Variants in AGFG2 observed in about 807,000 individuals in gnomAD.
AGFG2 encodes arf-GAP domain and FG repeat-containing protein 2.
In AGFG2, 31 loss-of-function variants were observed where a neutral mutation model predicts 48.0. That is an observed-to-expected ratio of 0.65 (90% CI 0.49 to 0.87). The LOEUF is 0.87. AGFG2 is among the 40% of genes least tolerant of loss of function. The pLI is 0.00. For missense variants in AGFG2, 599 were observed against 632.6 expected (o/e 0.95, Z 0.57); for synonymous variants, 229 against 260.8 (o/e 0.88, Z 1.18).
intron 3 of AGFG2, among the ~76,000 whole-genome samples, chr7:100,552,541 C>A (rs1279778772): frequency 2.6e-5 from 4 of 152,190 alleles, no homozygotes; most frequent in Non-Finnish European, 4.4e-5. Flanking sequence ...CTTTCCTCTC[C>A]CCTGGTATCA....
chr7:100,566,917 CCTTT>C lies in AGFG2; in HGVS notation c.*1929_*1932del, dbSNP rs1801020794. The C allele has an allele frequency of 6.6e-6, 1 of 152,238 alleles. No individual in the cohort carries two copies. Among genetic ancestry groups the C allele is most frequent in the African/African-American group, 2.4e-5 (1 of 41,436 alleles). 9.4% of individuals were successfully genotyped at this position (152,238 alleles called of 1,614,324 possible). A position where few individuals can be genotyped will look rare whatever the true frequency, so the allele number is the denominator to read the frequency against. On this transcript the variant is annotated 3_prime_UTR_variant, in exon 12 of 12. Transcript: ENST00000300176. ...TGTTATGGTGTATTAGGGGGAGGAG[CCTTT>C]CTGTTATTTCCCCCCAGCTTCCATC...
Position 100,565,092 on chromosome 7 carries a change from G to A in AGFG2, c.*101G>A, listed in dbSNP as rs2131128501. ...TGTGGGCATTTCTATGGGCCTTGGGGATGGTGGAGGTGCTAATGCTTTGCT... is the reference window on the plus strand; with the variant it reads ...TGTGGGCATTTCTATGGGCCTTGGGAATGGTGGAGGTGCTAATGCTTTGCT... On this transcript the variant is annotated 3_prime_UTR_variant, in exon 12 of 12. Coordinates refer to ENST00000300176, the MANE Select transcript of AGFG2 (RefSeq NM_006076.5). 1 of 1,333,248 alleles carries A rather than the reference G, an allele frequency of 7.5e-7. No individual in the cohort carries two copies. The highest frequency in any genetic ancestry group is 2.3e-5 in the East Asian group (1 of 43,482). The allele number at this position is 1,333,248 out of a possible 1,614,324, so 82.6% of individuals were successfully genotyped here.
Position 100,566,870 on chromosome 7 carries a change from C to G in AGFG2, c.*1879C>G, listed in dbSNP as rs558017407. On this transcript the variant is annotated 3_prime_UTR_variant, in exon 12 of 12. Coordinates refer to ENST00000300176, the MANE Select transcript of AGFG2 (RefSeq NM_006076.5). ...CAGTTCTTTCCTTTCTGCTTAGAGCCGGAGGGAGGGAAGCTGGAATCTGTT... is the reference window on the plus strand; with the variant it reads ...CAGTTCTTTCCTTTCTGCTTAGAGCGGGAGGGAGGGAAGCTGGAATCTGTT... The G allele has an allele frequency of 1.1e-4, 16 of 152,302 alleles. No homozygotes were observed. The highest frequency in any genetic ancestry group is 3.6e-4 in the African/African-American group (15 of 41,560). The allele number at this position is 152,302 out of a possible 1,614,324, so 9.4% of individuals were successfully genotyped here.
At position 100,564,072 on chromosome 7, in the gene AGFG2, G is replaced by C. The variant is rs1800942943; in HGVS notation, c.1300+110G>C. 1.9e-6 allele frequency: 3 copies of C among 1,557,708 alleles called. No individual in the cohort carries two copies. The South Asian group carries it at 3.5e-5, about 18-fold the overall frequency. ...GCCCATGCAGTGCCCTTTCTGACCA[G>C]CAGGGGGGACCAGGGAAGCACCAGA... On this transcript the variant is annotated intron_variant, in intron 10 of 11. Coordinates refer to ENST00000300176, the MANE Select transcript of AGFG2 (RefSeq NM_006076.5).
chr7:100,543,345 G>GT (rs1800458757), intron 1 of AGFG2, among the ~76,000 whole-genome samples: 1 of 152,200 alleles, frequency 6.6e-6, no homozygotes, highest in South Asian at 2.1e-4. Flanking sequence ...GATTACAGGC[G>GT]TGAGCCACTG....
At position 100,553,463 on chromosome 7, in the gene AGFG2, C is replaced by G. The variant is rs1473303050; in HGVS notation, c.548C>G (p.Ala183Gly). ...CTTCGGACACTTCTGGGTGATCCTGCACCGTCTCTCTCAGTTGCTGCCTCC... is the reference window on the plus strand; with the variant it reads ...CTTCGGACACTTCTGGGTGATCCTGGACCGTCTCTCTCAGTTGCTGCCTCC... ...KPLRTLLGDP[A>G]PSLSVAASTS... The change falls in exon 4 of 12, where the codon GCA (alanine) becomes GGA (glycine). Residue 183 changes from alanine to glycine, a missense_variant. Transcript: ENST00000300176. 6.2e-7 allele frequency: 1 copy of G among 1,609,366 alleles called. No individual in the cohort carries two copies. Among genetic ancestry groups the G allele is most frequent in the South Asian group, 1.1e-5 (1 of 90,888 alleles).
chr7:100,565,197 C>T lies in AGFG2; in HGVS notation c.*206C>T, dbSNP rs1800980465. On this transcript the variant is annotated 3_prime_UTR_variant, in exon 12 of 12. Coordinates refer to ENST00000300176, the MANE Select transcript of AGFG2 (RefSeq NM_006076.5). ...CTCCCTCGTCCCACCCCCACCCAGG[C>T]AGGAAGCCCAGGAGGAGTGCGGGCA... The T allele has an allele frequency of 4.8e-6, 3 of 625,350 alleles. No individual in the cohort carries two copies. Among genetic ancestry groups the T allele is most frequent in the Admixed American group, 5.7e-5 (2 of 34,898 alleles). 38.7% of individuals were successfully genotyped at this position (625,350 alleles called of 1,614,324 possible).
chr7:100,555,559 T>C, intron 5 of AGFG2, 51 bp from the exon 6 acceptor site: 2 of 1,584,562 alleles, frequency 1.3e-6, no homozygotes, highest in Non-Finnish European at 1.7e-6. Context: ...AGGCGTGAGC[T>C]ACCACACCCG....
At position 100,539,401 on chromosome 7, in the gene AGFG2, A is replaced by G. The variant is rs1174174284; in HGVS notation, c.55A>G (p.Lys19Glu). ...PGPGGGVSGGKAEAEAASEVW... is the reference protein window; with the variant it reads ...PGPGGGVSGGEAEAEAASEVW... ...CCCGGGCGGCGGGGTCAGCGGGGGCAAGGCGGAGGCGGAGGCGGCCTCGGA... is the reference window on the plus strand; with the variant it reads ...CCCGGGCGGCGGGGTCAGCGGGGGCGAGGCGGAGGCGGAGGCGGCCTCGGA... Residue 19 changes from lysine (K) to glutamate (E), a missense_variant, in exon 1 of 12, where the codon AAG (lysine) becomes GAG (glutamate). Physicochemically the swap from Lys to Glu is moderately conservative, Grantham distance 56. Transcript: ENST00000300176. The G allele has an allele frequency of 7.6e-7, 1 of 1,308,560 alleles. No homozygotes were observed. The highest frequency in any genetic ancestry group is 3.1e-5 in the East Asian group (1 of 32,246). 81.1% of individuals were successfully genotyped at this position (1,308,560 alleles called of 1,614,324 possible).
rs1027048927 is a variant in AGFG2 at position 100,553,491 on chromosome 7, C to G, written c.576C>G (p.Thr192=). 1 of 1,597,004 alleles carries G rather than the reference C, an allele frequency of 6.3e-7. No homozygotes were observed. The highest frequency in any genetic ancestry group is 1.7e-5 in the Admixed American group (1 of 58,458). Reference sequence around the variant, plus strand: ...CGTCTCTCTCAGTTGCTGCCTCCACCTCGAGCCAGGTAACTCTCAGATCTG... The same window carrying G: ...CGTCTCTCTCAGTTGCTGCCTCCACGTCGAGCCAGGTAACTCTCAGATCTG... ...PAPSLSVAAS[T]SSQPVSQSHA... The change falls in exon 4 of 12, where the codon ACC becomes ACG. Residue 192 remains threonine, a synonymous_variant. Transcript: ENST00000300176.
At chr7:100,563,512 C>T (rs1377924566) in intron 9 of AGFG2, among the ~76,000 whole-genome samples, 1 of 152,178 alleles carries the variant, frequency 6.6e-6, no homozygotes, top group Non-Finnish European at 1.5e-5. Context: ...GACGGACTGT[C>T]CCCATTTTAG....
At chr7:100,548,740 C>A in intron 1 of AGFG2, 82 bp from the exon 2 acceptor site, 1 of 1,040,612 alleles carries the variant, frequency 9.6e-7, no homozygotes, top group Non-Finnish European at 1.5e-6. Flanking sequence ...TTCACCCTTT[C>A]TCCCTCCTCC....
At chr7:100,541,200 C>T (rs1800415452) in intron 1 of AGFG2, among the ~76,000 whole-genome samples, 1 of 152,090 alleles carries the variant, frequency 6.6e-6, no homozygotes, top group South Asian at 2.1e-4. Flanking sequence ...CATGGCAGAC[C>T]AGCAATGAGG....
intron 9 of AGFG2, 46 bp from the exon 10 acceptor site, chr7:100,563,788 C>T (rs1033573053): frequency 6.2e-7 from 1 of 1,605,272 alleles, no homozygotes; most frequent in Non-Finnish European, 8.5e-7. Flanking sequence ...GTTCTCCAGC[C>T]CACCTTCCAG....
At chr7:100,543,070 AT>A (rs150652871) in intron 1 of AGFG2, among the ~76,000 whole-genome samples, 22 of 149,388 alleles carry the variant, frequency 1.5e-4, no homozygotes, top group South Asian at 6.4e-4. Context: ...ATTATTATTA[AT>A]TTTTTTTTTT....
chr7:100,562,946 G>A lies in AGFG2; in HGVS notation c.1171G>A (p.Gly391Arg). 1 of 1,613,420 alleles carries A rather than the reference G, an allele frequency of 6.2e-7. No individual in the cohort carries two copies. Among genetic ancestry groups the A allele is most frequent in the South Asian group, 1.1e-5 (1 of 91,012 alleles). The part of the protein sequence containing the change: ...NPFQPNGLAP[G>R]PGFGMSSAGP... ...GTTCCAGCCCAATGGCTTGGCGCCAGGTAAGCCTCCAGCATGGTCCCTTGT... is the reference window on the plus strand; with the variant it reads ...GTTCCAGCCCAATGGCTTGGCGCCAAGTAAGCCTCCAGCATGGTCCCTTGT... The change falls in exon 9 of 12, where the codon GGG becomes AGG. Residue 391 changes from glycine (G) to arginine (R), a missense_variant and splice_region_variant. Gly to Arg is a moderately radical substitution (Grantham distance 125). Transcript: ENST00000300176. The surrounding 1 kb of genome is among the most constrained non-coding windows in gnomAD (Gnocchi z 5.4).
At position 100,562,204 on chromosome 7, in the gene AGFG2, C is replaced by A; in HGVS notation, c.878-55C>A. ...CACCACCTCCATCTGCTCTCCTGCC[C>A]CTCCCGCCCTGTCTTACCTCAGCTC... is the stretch of plus-strand genomic sequence containing the variant. On this transcript the variant is annotated intron_variant, in intron 6 of 11. Transcript: ENST00000300176. This position sits in a 1 kb window ranked among gnomAD's most constrained non-coding sequence, Gnocchi z 5.4. 1.9e-6 allele frequency: 3 copies of A among 1,585,476 alleles called. No individual in the cohort carries two copies. The highest frequency in any genetic ancestry group is 2.3e-5 in the East Asian group (1 of 44,336).
chr7:100,544,724 C>T (rs574245980), intron 1 of AGFG2, among the ~76,000 whole-genome samples: 2 of 76,382 alleles, frequency 2.6e-5, no homozygotes, highest in East Asian at 4.0e-4. Flanking sequence ...AGAAAAAGCT[C>T]GACGTGGGGT....
At chr7:100,560,660 G>A (rs368402729) in intron 6 of AGFG2, among the ~76,000 whole-genome samples, 2 of 152,160 alleles carry the variant, frequency 1.3e-5, no homozygotes, top group East Asian at 1.9e-4. Context: ...TACAAGTGCC[G>A]ACACTCAGTG....
Sources: gnomAD v4.1 joint callset for allele counts (sites outside exome capture counted in the v4.1 genomes callset) on GRCh38, gnomAD v4.1.1 for gene constraint, Gnocchi (gnomAD v3.1) non-coding constraint, MANE v1.5 for transcripts, NCBI Gene and HGNC (gene_info 2026-07-23, HGNC 2026-07-21) for gene names.